Variants in ATP11B observed in about 807,000 individuals in gnomAD.
ATP11B encodes the protein phospholipid-transporting ATPase IF.
A neutral mutation model predicts 157.8 loss-of-function variants in ATP11B; 81 were observed. That is an observed-to-expected ratio of 0.51 (90% CI 0.43 to 0.62). ATP11B has a LOEUF of 0.62. ATP11B is among the 20% of genes least tolerant of loss of function. The pLI is 0.00. For missense variants in ATP11B, 1,165 were observed against 1,402.2 expected (o/e 0.83, Z 2.70); for synonymous variants, 451 against 469.4 (o/e 0.96, Z 0.51).
intron 1 of ATP11B, among the ~76,000 whole-genome samples, chr3:182,799,839 TGTG>T (rs1715871996): frequency 6.6e-6 from 1 of 152,100 alleles, no homozygotes; most frequent in African/African-American, 2.4e-5. Flanking sequence ...CTAGGCCAGG[TGTG>T]GTGGCTCAAA....
intron 1 of ATP11B, among the ~76,000 whole-genome samples, chr3:182,798,549 T>C (rs1410436569): frequency 6.6e-6 from 1 of 152,236 alleles, no homozygotes; most frequent in Non-Finnish European, 1.5e-5. Flanking sequence ...GTTTTGCATT[T>C]GGTTAGGAAG....
At chr3:182,912,330 T>C (rs1442938586) in intron 28 of ATP11B, among the ~76,000 whole-genome samples, 1 of 152,110 alleles carries the variant, frequency 6.6e-6, no homozygotes, top group East Asian at 1.9e-4. Flanking sequence ...AATTATGATA[T>C]CTCAGGCTTC....
intron 1 of ATP11B, 125 bp downstream of exon 1, chr3:182,793,911 A>C (rs943277515): frequency 3.2e-4 from 163 of 514,438 alleles, no homozygotes; most frequent in Non-Finnish European, 4.0e-4. Flanking sequence ...GCTAGGCCGC[A>C]GCGGAGACGG....
At chr3:182,886,868 A>G (rs1722827097) in intron 23 of ATP11B, among the ~76,000 whole-genome samples, 1 of 152,166 alleles carries the variant, frequency 6.6e-6, no homozygotes, top group Non-Finnish European at 1.5e-5. Context: ...GTAACTCTAA[A>G]TTCCAAATAT....
At chr3:182,863,329 A>G (rs1720993141) in intron 12 of ATP11B, among the ~76,000 whole-genome samples, 1 of 152,106 alleles carries the variant, frequency 6.6e-6, no homozygotes, top group Admixed American at 6.5e-5. Context: ...ACTTTTCTGA[A>G]TAAATTTTTC....
rs1483118590 is a variant in ATP11B, at chr3:182,918,091, C to T, written c.3521C>T (p.Ser1174Leu). ...RSILTLSTMD[S>L]STC is the part of the protein sequence containing the mutation. ...ATCTTGACTCTCTCCACAATGGACT[C>T]ATCTACTTGTTAAAGGGGCAGTAGT... The change falls in exon 30 of 30, where the codon TCA becomes TTA. Residue 1174 changes from serine to leucine, a missense_variant. Coordinates refer to ENST00000323116, the MANE Select transcript of ATP11B (RefSeq NM_014616.3). 8 of 1,613,068 alleles carry T rather than the reference C, an allele frequency of 5.0e-6. No individual in the cohort carries two copies. Among genetic ancestry groups the T allele is most frequent in the African/African-American group, 1.3e-5 (1 of 74,862 alleles).
intron 28 of ATP11B, among the ~76,000 whole-genome samples, chr3:182,899,713 A>C (rs1176752626): frequency 6.6e-6 from 1 of 152,160 alleles, no homozygotes; most frequent in Non-Finnish European, 1.5e-5. Context: ...TCATTAGTAA[A>C]ATTATGATAG....
At position 182,869,066 on chromosome 3, in the gene ATP11B, T is replaced by C; in HGVS notation, c.1689-12T>C. 1 of 1,573,334 alleles carries C rather than the reference T, an allele frequency of 6.4e-7. No homozygotes were observed. Among genetic ancestry groups the C allele is most frequent in the Non-Finnish European group, 8.6e-7 (1 of 1,159,734 alleles). On this transcript the variant is annotated splice_polypyrimidine_tract_variant and intron_variant, in intron 15 of 29. Transcript: ENST00000323116. ...AGTAAAGTTTTTGTCTTTCTTACTT[T>C]CTTTTGTTTAGGTACAAACTGCTTC...
chr3:182,828,247 G>T (rs1322506031), intron 3 of ATP11B, 38 bp downstream of exon 3: 2 of 999,442 alleles, frequency 2.0e-6, no homozygotes, highest in South Asian at 1.8e-5. Flanking sequence ...TGTAAACATA[G>T]TTTCTAAAAA....
intron 17 of ATP11B, 103 bp from the exon 18 acceptor site, chr3:182,872,253 C>A: frequency 1.3e-6 from 1 of 760,810 alleles, no homozygotes; most frequent in Non-Finnish European, 2.1e-6. Context: ...TTGTGATTGA[C>A]TTTTGGTACT....
intron 1 of ATP11B, among the ~76,000 whole-genome samples, chr3:182,818,852 C>T (rs1018056152): frequency 2.0e-5 from 3 of 150,596 alleles, no homozygotes; most frequent in Non-Finnish European, 3.0e-5. Context: ...TTATGAATAC[C>T]CAAGTTTTAT....
intron 28 of ATP11B, among the ~76,000 whole-genome samples, chr3:182,907,237 C>G (rs1344166703): frequency 2.6e-5 from 4 of 152,154 alleles, no homozygotes; most frequent in Non-Finnish European, 5.9e-5. Context: ...ATAAAATTTC[C>G]TGCCACTAAT....
intron 24 of ATP11B, 152 bp downstream of exon 24, chr3:182,887,865 T>G (rs1163742114): frequency 2.2e-6 from 2 of 889,266 alleles, no homozygotes; most frequent in Admixed American, 3.4e-5. Flanking sequence ...AAAAAAAGGT[T>G]TCTTTCAAAG....
intron 2 of ATP11B, among the ~76,000 whole-genome samples, chr3:182,825,432 T>C (rs1717648651): frequency 6.6e-6 from 1 of 152,088 alleles, no homozygotes; most frequent in African/African-American, 2.4e-5. Flanking sequence ...ATTTAAACTT[T>C]CTTTGGCCAT....
rs200660054 is a variant in ATP11B, at chr3:182,837,484, AGAAGAAAATAATGATTTTTTTG to A, written c.656+312_656+333del. ...ATAGTAGACATAAGATTATTTTCTT[AGAAGAAAATAATGATTTTTTTG>A]GTAAGCTCCATGAAGCCAGGGACTA... On this transcript the variant is annotated intron_variant, in intron 7 of 29. Transcript: ENST00000323116. 1.4e-4 allele frequency among the ~76,000 whole-genome samples: 22 copies of A among 152,236 alleles called. No individual in the cohort carries two copies. The East Asian group carries it at 3.9e-3, about 27-fold the overall frequency.
intron 12 of ATP11B, among the ~76,000 whole-genome samples, chr3:182,863,603 TCTG>T (rs1721014575): frequency 6.6e-6 from 1 of 152,108 alleles, no homozygotes; most frequent in African/African-American, 2.4e-5. Flanking sequence ...TTCATATTCT[TCTG>T]TGCTCTTTCA....
At chr3:182,823,688 G>T (rs1042225985) in intron 2 of ATP11B, among the ~76,000 whole-genome samples, 3 of 152,106 alleles carry the variant, frequency 2.0e-5, no homozygotes, top group Admixed American at 6.5e-5. Context: ...GGCATTAAAT[G>T]TATAAATTAC....
At chr3:182,844,666 A>G in intron 8 of ATP11B, 3 of 396,878 alleles carry the variant, frequency 7.6e-6, no homozygotes, top group Non-Finnish European at 1.0e-5. Flanking sequence ...TGTATTTTAT[A>G]ATTCAGTATA....
chr3:182,824,253 C>G (rs766940666), intron 2 of ATP11B, among the ~76,000 whole-genome samples: 11 of 152,118 alleles, frequency 7.2e-5, no homozygotes, highest in Admixed American at 1.3e-4. Context: ...TTGTGTGGTT[C>G]TCTGACAATC....
Sources: allele counts gnomAD v4.1 joint callset (sites outside exome capture counted in the v4.1 genomes callset), GRCh38; gene constraint gnomAD v4.1.1; transcripts MANE v1.5; gene names NCBI Gene and HGNC (gene_info 2026-07-23, HGNC 2026-07-21).